The following TMEM187 variants were observed in gnomAD, a reference collection of about 807,000 sequenced individuals.
TMEM187 encodes transmembrane protein 187.
In TMEM187, 14 loss-of-function variants were observed where a neutral mutation model predicts 11.8. That is an observed-to-expected ratio of 1.18 (90% CI 0.78 to 1.85). The LOEUF (loss-of-function observed/expected upper bound fraction) is 1.85. TMEM187 is among the 40% of genes most tolerant of loss of function. TMEM187 has a pLI of 0.00. For synonymous variants in TMEM187, 112 were observed against 118.5 expected (o/e 0.95, Z 0.36); for missense variants, 227 against 243.9 (o/e 0.93, Z 0.46).
intron 1 of TMEM187, among the ~76,000 whole-genome samples, chrX:153,976,517 C>T (rs782148589): frequency 9.0e-5 from 10 of 110,716 alleles, no homozygotes; most frequent in African/African-American, 3.0e-4. Flanking sequence ...GGTGACAGAG[C>T]GAGACCCTGT....
rs142270595 is a variant in TMEM187 at position 153,982,293 on chromosome X, G to C, written c.231G>C (p.Ala77=). Residue 77 remains alanine (A), a synonymous_variant, in exon 2 of 2, where the codon GCG becomes GCC. Transcript: ENST00000369982. ...TGTCGTGGCTGCACAGGGGCGGCGC[G>C]ATGGGGCTGGGTCCCCGCTACCTGA... ...LGLSWLHRGG[A]MGLGPRYLKD... The C allele has an allele frequency of 1.7e-6, 2 of 1,211,317 alleles. No homozygotes were observed.
At chrX:153,974,122 T>A (rs981635774) in intron 1 of TMEM187, among the ~76,000 whole-genome samples, 1 of 111,911 alleles carries the variant, frequency 8.9e-6, no homozygotes, top group South Asian at 3.7e-4. Context: ...CTTGGACAGG[T>A]GCTTTGATTA....
chrX:153,972,966 AT>A (rs1180612771), intron 1 of TMEM187, 106 bp downstream of exon 1: 2 of 114,885 alleles, frequency 1.7e-5, no homozygotes, highest in Non-Finnish European at 3.4e-5. Flanking sequence ...CGGCGGCGGC[AT>A]CCGCCCTGCC....
intron 1 of TMEM187, among the ~76,000 whole-genome samples, chrX:153,976,732 A>T (rs1331019548): frequency 1.8e-5 from 2 of 111,043 alleles, no homozygotes; most frequent in African/African-American, 6.6e-5. Flanking sequence ...GCATGGTAAC[A>T]TGCCTGTGGT....
Position 153,972,826 on chromosome X carries a change from C to A in TMEM187, c.-248C>A. ...AGCGAGGCGAGTGAGGCGAAATACC[C>A]GTATGGTGATAGCTGGCCTTTTCGC... On this transcript the variant is annotated 5_prime_UTR_variant, in exon 1 of 2. Transcript: ENST00000369982. 1 of 113,606 alleles carries A rather than the reference C, an allele frequency of 8.8e-6. No individual in the cohort carries two copies. The highest frequency in any genetic ancestry group is 3.0e-4 in the South Asian group (1 of 3,356). 9.4% of individuals were successfully genotyped at this position (113,606 alleles called of 1,213,427 possible). A position where few individuals can be genotyped will look rare whatever the true frequency, so the allele number is the denominator to read the frequency against.
chrX:153,975,789 T>C (rs1296445731), intron 1 of TMEM187, among the ~76,000 whole-genome samples: 3 of 106,302 alleles, frequency 2.8e-5, no homozygotes, highest in African/African-American at 1.0e-4. Context: ...GGATTACAGA[T>C]GTGCGCCACC....
intron 1 of TMEM187, among the ~76,000 whole-genome samples, chrX:153,978,850 G>A (rs1209743301): frequency 1.8e-5 from 2 of 110,014 alleles, no homozygotes; most frequent in Admixed American, 9.8e-5. Flanking sequence ...GCAATGGCAC[G>A]ATCTTGGCTC....
At chrX:153,978,937 C>T (rs1420065454) in intron 1 of TMEM187, among the ~76,000 whole-genome samples, 1 of 111,495 alleles carries the variant, frequency 9.0e-6, no homozygotes, top group Non-Finnish European at 1.9e-5. Context: ...CAGGCGTGCG[C>T]CACCACGCCT....
intron 1 of TMEM187, among the ~76,000 whole-genome samples, chrX:153,974,450 C>T (rs368585954): frequency 1.8e-5 from 2 of 112,260 alleles, no homozygotes; most frequent in Admixed American, 1.9e-4. Flanking sequence ...AATGGCCAGG[C>T]GAAGTGGGCA....
chrX:153,976,415 C>T (rs1317050686), intron 1 of TMEM187, among the ~76,000 whole-genome samples: 1 of 111,444 alleles, frequency 9.0e-6, no homozygotes, highest in Non-Finnish European at 1.9e-5. Context: ...CCTATAATCC[C>T]AGCTACTTGG....
chrX:153,982,352 G>A lies in TMEM187; in HGVS notation c.290G>A (p.Gly97Asp), dbSNP rs1557122653. The part of the protein sequence containing the change: ...DVFAAMALLY[G>D]PVQWLRLWTQ... ...TTCGCAGCCATGGCCCTGCTCTATG[G>A]CCCCGTGCAGTGGCTGCGCCTGTGG... The change falls in exon 2 of 2, where the codon GGC becomes GAC. Residue 97 changes from glycine to aspartate, a missense_variant. By Grantham distance (94) the Gly-to-Asp change is moderately conservative. Transcript: ENST00000369982. The A allele has an allele frequency of 8.3e-7, 1 of 1,205,596 alleles. No individual in the cohort carries two copies. Among genetic ancestry groups the A allele is most frequent in the African/African-American group, 1.7e-5 (1 of 57,734 alleles).
intron 1 of TMEM187, among the ~76,000 whole-genome samples, chrX:153,973,271 T>C (rs2065562021): frequency 8.9e-6 from 1 of 112,604 alleles, no homozygotes; most frequent in Non-Finnish European, 1.9e-5. Context: ...ACATATTACA[T>C]GTATTTTGTA....
At chrX:153,980,387 C>T (rs2065595713) in intron 1 of TMEM187, among the ~76,000 whole-genome samples, 1 of 111,320 alleles carries the variant, frequency 9.0e-6, no homozygotes, top group Non-Finnish European at 1.9e-5. Flanking sequence ...GCCATGGCAG[C>T]AGAAAGCAAG....
At chrX:153,976,097 C>G (rs1338393384) in intron 1 of TMEM187, among the ~76,000 whole-genome samples, 7 of 111,754 alleles carry the variant, frequency 6.3e-5, no homozygotes, top group African/African-American at 2.3e-4. Context: ...AGAGACCATC[C>G]TTTCCCCAAT....
At chrX:153,976,137 T>C (rs1557121451) in intron 1 of TMEM187, among the ~76,000 whole-genome samples, 2 of 111,952 alleles carry the variant, frequency 1.8e-5, no homozygotes, top group Admixed American at 9.5e-5. Flanking sequence ...GTACTACTTA[T>C]AATAGCTAAG....
rs782779850 is a variant in TMEM187 at position 153,982,841 on chromosome X, C to T, written c.779C>T (p.Thr260Met). Residue 260 changes from threonine (T) to methionine (M), a missense_variant, in exon 2 of 2, where the codon ACG becomes ATG. Physicochemically the swap from Thr to Met is moderately conservative, Grantham distance 81. Transcript: ENST00000369982. ...AGATTCCATCCCTCTGGCGGGAAGACGCGTTGAACCCAGGGAAGAACCTGC... is the reference window on the plus strand; with the variant it reads ...AGATTCCATCCCTCTGGCGGGAAGATGCGTTGAACCCAGGGAAGAACCTGC... Reference protein sequence around the residue: ...HPRFHPSGGKTR With the variant: ...HPRFHPSGGKMR 1.2e-5 allele frequency: 14 copies of T among 1,210,565 alleles called. No individual in the cohort carries two copies. In the East Asian group the frequency reaches 1.8e-4, roughly 15 times the overall value.
At position 153,981,953 on chromosome X, in the gene TMEM187, G is replaced by A; in HGVS notation, c.-110G>A. Reference sequence around the variant, plus strand: ...TCTGCCTCGGAAATCACGAAATCACGGGGCTTCTTTCTGCTGGCTCAGCCG... The same window carrying A: ...TCTGCCTCGGAAATCACGAAATCACAGGGCTTCTTTCTGCTGGCTCAGCCG... On this transcript the variant is annotated 5_prime_UTR_variant, in exon 2 of 2. Coordinates refer to ENST00000369982, the MANE Select transcript of TMEM187 (RefSeq NM_003492.3). 6 of 1,167,296 alleles carry A rather than the reference G, an allele frequency of 5.1e-6. No homozygotes were observed. The highest frequency in any genetic ancestry group is 3.2e-4 in the Middle Eastern group (1 of 3,111).
intron 1 of TMEM187, among the ~76,000 whole-genome samples, chrX:153,973,581 G>A (rs1158287199): frequency 6.3e-5 from 7 of 111,673 alleles, no homozygotes; most frequent in African/African-American, 2.3e-4. Flanking sequence ...TACTTGGAAC[G>A]CTGAGGTGGG....
intron 1 of TMEM187, among the ~76,000 whole-genome samples, chrX:153,979,954 C>G (rs111613834): frequency 1.8e-5 from 2 of 108,746 alleles, no homozygotes; most frequent in African/African-American, 3.3e-5. Context: ...AGCCAGGATG[C>G]TCTCGATCTC....
Sources: gnomAD v4.1 joint callset for allele counts (sites outside exome capture counted in the v4.1 genomes callset) on GRCh38, gnomAD v4.1.1 for gene constraint, MANE v1.5 for transcripts, NCBI Gene and HGNC (gene_info 2026-07-23, HGNC 2026-07-21) for gene names.